Variants in AUTS2 observed in about 807,000 individuals in gnomAD.
AUTS2 encodes autism susceptibility gene 2 protein.
AUTS2 carries 17 observed loss-of-function variants against 112.4 expected under a neutral mutation model. The observed-to-expected ratio is 0.15, with a 90% CI of 0.10 to 0.23. The LOEUF (loss-of-function observed/expected upper bound fraction) is 0.23, where lower values mean the gene tolerates loss of function less well. Ranked by LOEUF, AUTS2 falls within the 10% of genes least tolerant of loss-of-function variation. The pLI is 1.00. For missense variants in AUTS2, 1,510 were observed against 1,701.6 expected, an observed-to-expected ratio of 0.89 and a Z score of 1.98; for synonymous variants, 751 against 702.7, an observed-to-expected ratio of 1.07 and a Z score of -1.09.
chr7:70,571,593 A>G (rs1801942832), intron 5 of AUTS2, among the ~76,000 whole-genome samples: 1 of 152,206 alleles, frequency 6.6e-6, no homozygotes, highest in Non-Finnish European at 1.5e-5. Flanking sequence ...TTGGCCCACA[A>G]AAGGTGACTC....
chr7:70,407,829 C>G (rs1009510085), intron 4 of AUTS2, among the ~76,000 whole-genome samples: 1 of 151,850 alleles, frequency 6.6e-6, no homozygotes. Flanking sequence ...CCAAGGCGGG[C>G]GGATCATGGG....
At chr7:70,344,425 G>T (rs1214388994) in intron 4 of AUTS2, among the ~76,000 whole-genome samples, 1 of 152,084 alleles carries the variant, frequency 6.6e-6, no homozygotes, top group East Asian at 1.9e-4. Context: ...CTGTCCTGAA[G>T]GTCATGCCCA....
rs775225727 is a variant in AUTS2, at chr7:69,599,802, C to G, written c.149C>G (p.Ser50Trp). The G allele has an allele frequency of 3.1e-6, 5 of 1,592,904 alleles. No individual in the cohort carries two copies. The highest frequency in any genetic ancestry group is 4.3e-6 in the Non-Finnish European group (5 of 1,171,014). The change falls in exon 1 of 19, where the codon TCG (serine) becomes TGG (tryptophan). Residue 50 changes from serine (S) to tryptophan (W), a missense_variant. Coordinates refer to ENST00000342771, the MANE Select transcript of AUTS2 (RefSeq NM_015570.4). The surrounding 1 kb of genome is among the most constrained non-coding windows in gnomAD (Gnocchi z 7.0). ...AGRTRALSLA[S>W]SSGSDKEDNG... The stretch of plus-strand genomic sequence containing the variant: ...CGGACCCGGGCGCTCTCACTCGCCT[C>G]GTCGTCGGGCTCCGACAAGGAAGAC...
intron 1 of AUTS2, among the ~76,000 whole-genome samples, chr7:69,662,313 A>T (rs1005174503): frequency 1.3e-5 from 2 of 151,868 alleles, no homozygotes; most frequent in Admixed American, 6.6e-5. Flanking sequence ...GAGTGTTTGG[A>T]GGCATTATTT....
chr7:70,319,475 A>C (rs1190648252), intron 4 of AUTS2, among the ~76,000 whole-genome samples: 1 of 152,226 alleles, frequency 6.6e-6, no homozygotes, highest in Non-Finnish European at 1.5e-5. Context: ...TTTTAAAAAT[A>C]AATACTTTGG....
intron 5 of AUTS2, among the ~76,000 whole-genome samples, chr7:70,446,322 G>A (rs1248541447): frequency 2.6e-5 from 4 of 152,278 alleles, no homozygotes; most frequent in African/African-American, 9.6e-5. Flanking sequence ...TTTATCGGCC[G>A]GAGTGCGTGC....
rs866677721 is a variant in AUTS2 at position 70,790,368 on chromosome 7, G to A, written c.3152G>A (p.Gly1051Asp). ...DRTRMMTPFMGISPLPGGERF... is the reference protein window; with the variant it reads ...DRTRMMTPFMDISPLPGGERF... ...ACTCGCATGATGACCCCCTTCATGG[G>A]CATCAGCCCCCTCCCGGGCGGAGAG... Residue 1051 changes from glycine (G) to aspartate (D), a missense_variant, in exon 19 of 19, where the codon GGC (glycine) becomes GAC (aspartate). Gly to Asp is a moderately conservative substitution (Grantham distance 94). Around this residue, in one of 3 missense-constraint regions of AUTS2, gnomAD observed 788 missense variants for 797.6 expected, o/e 0.99. Transcript: ENST00000342771. The surrounding 1 kb of genome is among the most constrained non-coding windows in gnomAD (Gnocchi z 7.6). 2 of 1,613,806 alleles carry A rather than the reference G, an allele frequency of 1.2e-6. No homozygotes were observed. The highest frequency in any genetic ancestry group is 1.3e-5 in the African/African-American group (1 of 75,056).
intron 5 of AUTS2, among the ~76,000 whole-genome samples, chr7:70,496,054 T>C (rs1457566378): frequency 1.7e-5 from 2 of 115,610 alleles, no homozygotes; most frequent in Non-Finnish European, 3.4e-5. Flanking sequence ...CACATCAGCA[T>C]CTATCACACA....
rs577826057 is a variant in AUTS2, at chr7:69,829,122, GC to G, written c.310-70162del. Among the ~76,000 whole-genome samples, 127 of 152,114 alleles carry G rather than the reference GC, an allele frequency of 8.3e-4. 3 individuals carry two copies. The South Asian group carries it at 0.024, about 29-fold the overall frequency. Reference sequence around the variant, plus strand: ...AACCAGCTGATCTTGGACAAACTTGGCCAAAACAAGCAATGGGGAAAGGATT... The same window carrying G: ...AACCAGCTGATCTTGGACAAACTTGGCAAAACAAGCAATGGGGAAAGGATT... On this transcript the variant is annotated intron_variant, in intron 1 of 18. Transcript: ENST00000342771.
chr7:70,542,347 C>T (rs969353255), intron 5 of AUTS2, among the ~76,000 whole-genome samples: 1 of 152,148 alleles, frequency 6.6e-6, no homozygotes, highest in Non-Finnish European at 1.5e-5. Flanking sequence ...GCACCTAGAC[C>T]CCAAGTATCT....
At chr7:70,193,482 G>A (rs751477581) in intron 4 of AUTS2, among the ~76,000 whole-genome samples, 3 of 152,110 alleles carry the variant, frequency 2.0e-5, no homozygotes, top group Non-Finnish European at 4.4e-5. Context: ...TCATTTTACG[G>A]GTAGAAATCT....
chr7:70,510,960 T>C (rs946483270), intron 5 of AUTS2, among the ~76,000 whole-genome samples: 8 of 152,138 alleles, frequency 5.3e-5, no homozygotes, highest in African/African-American at 1.4e-4. Context: ...GTGATTGTCC[T>C]GCCTCAGCCT....
In AUTS2 at chr7:70,663,983, C is replaced by T. The variant is rs1450133167; in HGVS notation, c.691-34586C>T. Among the ~76,000 whole-genome samples, 6 of 152,190 alleles carry T rather than the reference C, an allele frequency of 3.9e-5. No homozygotes were observed. In the South Asian group the frequency reaches 6.2e-4, roughly 16 times the overall value. On this transcript the variant is annotated intron_variant, in intron 5 of 18. Transcript: ENST00000342771. ...CTAAAATTGAACTCAAATACCCAGG[C>T]CATAGTTGTTTTCTGACTCCACCAA...
At chr7:69,807,195 G>T (rs558518995) in intron 1 of AUTS2, among the ~76,000 whole-genome samples, 32 of 151,382 alleles carry the variant, frequency 2.1e-4, no homozygotes, top group Non-Finnish European at 3.5e-4. Flanking sequence ...TTTAAACAAA[G>T]AATATCATGC....
At chr7:69,814,074 A>G (rs1790655550) in intron 1 of AUTS2, among the ~76,000 whole-genome samples, 1 of 152,174 alleles carries the variant, frequency 6.6e-6, no homozygotes, top group Non-Finnish European at 1.5e-5. Context: ...CAATTTCACC[A>G]TTATTCCATT....
At position 70,260,861 on chromosome 7, in the gene AUTS2, TGC is replaced by T. The variant is rs949506427; in HGVS notation, c.660+126291_660+126292del. 1.8e-4 allele frequency among the ~76,000 whole-genome samples: 28 copies of T among 152,088 alleles called. 1 individual carries two copies. The highest frequency in any genetic ancestry group is 5.3e-4 in the African/African-American group (22 of 41,476). ...GCCTCCCGGGTTCAAGCGATTCTAC[TGC>T]CTCAGCCTCCTGAGTAGCTGGGACT... On this transcript the variant is annotated intron_variant, in intron 4 of 18. Coordinates refer to ENST00000342771, the MANE Select transcript of AUTS2 (RefSeq NM_015570.4).
chr7:69,888,840 C>A (rs1379692957), intron 1 of AUTS2, among the ~76,000 whole-genome samples: 1 of 152,024 alleles, frequency 6.6e-6, no homozygotes, highest in East Asian at 1.9e-4. Context: ...TCCCAAAGTG[C>A]TAGGATTACA....
At chr7:70,271,301 C>A (rs1319158862) in intron 4 of AUTS2, among the ~76,000 whole-genome samples, 1 of 152,048 alleles carries the variant, frequency 6.6e-6, no homozygotes, top group Non-Finnish European at 1.5e-5. Flanking sequence ...GCCATTGTAT[C>A]TTTTTGCCCC....
rs114749831 is a variant in AUTS2 at position 69,910,213 on chromosome 7, C to T, written c.522+10715C>T. Among the ~76,000 whole-genome samples the T allele has an allele frequency of 2.9e-3, 445 of 152,302 alleles. 5 individuals are homozygous for T. The highest frequency in any genetic ancestry group is 0.01 in the African/African-American group (431 of 41,552). On this transcript the variant is annotated intron_variant, in intron 2 of 18. Transcript: ENST00000342771. ...TTTTTGAAGGGGAGTATATTGGTGTCATGGGATCCTTGGGATGTCATCTTG... is the reference window on the plus strand; with the variant it reads ...TTTTTGAAGGGGAGTATATTGGTGTTATGGGATCCTTGGGATGTCATCTTG...
Sources: gnomAD v4.1 joint callset for allele counts (sites outside exome capture counted in the v4.1 genomes callset) on GRCh38, gnomAD v4.1.1 for gene constraint, gnomAD v4.1.1 regional missense constraint, Gnocchi (gnomAD v3.1) non-coding constraint, MANE v1.5 for transcripts, NCBI Gene and HGNC (gene_info 2026-07-23, HGNC 2026-07-21) for gene names.